ZPBP: variants seen among roughly 807,000 people sequenced by gnomAD.
ZPBP encodes the protein zona pellucida-binding protein 1.
ZPBP carries 26 observed loss-of-function variants against 44.8 expected under a neutral mutation model. The observed-to-expected ratio is 0.58, with a 90% CI of 0.43 to 0.81. The LOEUF is 0.81. ZPBP is among the 30% of genes least tolerant of loss of function. The pLI, the probability that ZPBP is intolerant of heterozygous loss-of-function variation, is 0.00. For synonymous variants in ZPBP, 174 were observed against 153.2 expected (o/e 1.14, Z -1.00); for missense variants, 409 against 434.0 (o/e 0.94, Z 0.51).
intron 6 of ZPBP, among the ~76,000 whole-genome samples, chr7:50,001,317 G>A (rs1798086141): frequency 6.6e-6 from 1 of 152,126 alleles, no homozygotes; most frequent in Non-Finnish European, 1.5e-5. Context: ...TATTTGCTAT[G>A]ACAGGAACCT....
chr7:49,980,483 G>A (rs572324227), intron 7 of ZPBP, among the ~76,000 whole-genome samples: 1 of 151,412 alleles, frequency 6.6e-6, no homozygotes, highest in African/African-American at 2.4e-5. Flanking sequence ...AAGGAAAAAC[G>A]TTTATTTGTC....
chr7:49,877,475 AAAAAAAATATAT>A lies in ZPBP; in HGVS notation n.509+23631_509+23642del, dbSNP rs1183866245. 2.4e-3 allele frequency among the ~76,000 whole-genome samples: 44 copies of A among 17,990 alleles called. 4 individuals are homozygous for A. In the South Asian group the frequency reaches 0.032, roughly 13 times the overall value. 11.8% of individuals were successfully genotyped at this position (17,990 alleles called of 152,430 possible). On this transcript the variant is annotated intron_variant and non_coding_transcript_variant, in intron 2 of 2. Transcript: ENST00000465922. ...GAAACTCTGTCTCAAAAAAAAAAAAAAAAAAAATATATATATATATATATATATATATATATA... is the reference window on the plus strand; with the variant it reads ...GAAACTCTGTCTCAAAAAAAAAAAAAATATATATATATATATATATATATA...
intron 7 of ZPBP, chr7:49,942,381 G>C (rs1794925767): frequency 5.8e-6 from 1 of 172,198 alleles, no homozygotes; most frequent in Admixed American, 6.4e-5. Context: ...TGTTGCTGCT[G>C]TACTGCTCAC....
intron 7 of ZPBP, among the ~76,000 whole-genome samples, chr7:49,959,740 T>C (rs546056396): frequency 6.6e-6 from 1 of 152,304 alleles, no homozygotes; most frequent in African/African-American, 2.4e-5. Context: ...TAGAAATTGA[T>C]ATGTTAATTC....
chr7:49,901,863 T>A (rs765537319), intron 1 of ZPBP, among the ~76,000 whole-genome samples: 46 of 151,890 alleles, frequency 3.0e-4, no homozygotes, highest in Admixed American at 4.6e-4. Context: ...TAGACTCAGA[T>A]AAATATGAAC....
intron 2 of ZPBP, among the ~76,000 whole-genome samples, chr7:49,850,983 C>A (rs1332193357): frequency 6.6e-6 from 1 of 152,158 alleles, no homozygotes; most frequent in East Asian, 1.9e-4. Flanking sequence ...ACCTGAGTGG[C>A]TTTAAGGAAT....
intron 4 of ZPBP, among the ~76,000 whole-genome samples, chr7:50,034,184 T>G (rs1259722988): frequency 3.0e-5 from 4 of 131,848 alleles, no homozygotes; most frequent in Admixed American, 7.5e-5. Context: ...TTTTTGAGGG[T>G]TTTTTTTTTT....
chr7:49,981,690 T>TCTTG (rs1186696994), intron 7 of ZPBP, among the ~76,000 whole-genome samples: 7,815 of 40,232 alleles, frequency 0.19, 2,323 homozygotes, highest in East Asian at 0.5. Context: ...TATAATAATA[T>TCTTG]ATATAATTAT....
At chr7:49,845,276 G>A in the ZPBP span, among the ~76,000 whole-genome samples, 2 of 150,410 alleles carry the variant, frequency 1.3e-5, no homozygotes, top group Admixed American at 6.6e-5. Flanking sequence ...ATGTACCCTG[G>A]AACTTAAAAG....
At chr7:50,016,282 C>T (rs569240516) in intron 6 of ZPBP, among the ~76,000 whole-genome samples, 151 of 152,230 alleles carry the variant, frequency 9.9e-4, no homozygotes, top group African/African-American at 3.5e-3. Flanking sequence ...CAGCTGGAGG[C>T]CATTATCCTC....
Position 49,853,889 on chromosome 7 carries a change from G to A in ZPBP, n.510-3375C>T, listed in dbSNP as rs551911291. Among the ~76,000 whole-genome samples the A allele has an allele frequency of 8.7e-3, 993 of 113,594 alleles. 8 individuals carry two copies. The highest frequency in any genetic ancestry group is 0.033 in the African/African-American group (925 of 28,190). 74.5% of individuals were successfully genotyped at this position (113,594 alleles called of 152,430 possible). A position where few individuals can be genotyped will look rare whatever the true frequency, so the allele number is the denominator to read the frequency against. On this transcript the variant is annotated intron_variant and non_coding_transcript_variant, in intron 2 of 2. Transcript: ENST00000465922. ...CTCCCCCCACCCCACAACAGGCCCC[G>A]GTGTGTGATGTTCCCCTTCCTGTGT... is the stretch of plus-strand genomic sequence containing the variant.
At chr7:50,021,079 A>G (rs965445163) in intron 5 of ZPBP, among the ~76,000 whole-genome samples, 4 of 152,106 alleles carry the variant, frequency 2.6e-5, no homozygotes, top group African/African-American at 9.7e-5. Flanking sequence ...TATCCATTAC[A>G]ATATTTTAAA....
intron 2 of ZPBP, among the ~76,000 whole-genome samples, chr7:49,876,967 T>A (rs1791437865): frequency 6.6e-6 from 1 of 152,058 alleles, no homozygotes; most frequent in Non-Finnish European, 1.5e-5. Context: ...GTCTTCAAGA[T>A]TCAAATATAT....
intron 7 of ZPBP, among the ~76,000 whole-genome samples, chr7:49,980,155 T>C (rs1441434417): frequency 8.7e-6 from 1 of 115,184 alleles, no homozygotes; most frequent in African/African-American, 3.5e-5. Flanking sequence ...ATTATAATTA[T>C]ATATTATATT....
intron 2 of ZPBP, among the ~76,000 whole-genome samples, chr7:49,884,009 G>T (rs1791790546): frequency 6.6e-6 from 1 of 152,204 alleles, no homozygotes; most frequent in Admixed American, 6.5e-5. Context: ...CACGACTGTG[G>T]GTGTGGGGCC....
intron 5 of ZPBP, among the ~76,000 whole-genome samples, chr7:50,027,764 A>G (rs1200493948): frequency 1.3e-5 from 2 of 152,016 alleles, no homozygotes; most frequent in Admixed American, 6.6e-5. Flanking sequence ...AATAAAAAGG[A>G]TAACAAGAGA....
chr7:49,980,000 ATATTATATATAT>A, intron 7 of ZPBP, among the ~76,000 whole-genome samples: 1 of 96,828 alleles, frequency 1.0e-5, no homozygotes, highest in African/African-American at 4.2e-5. Flanking sequence ...TTTATATTAT[ATATTATATATAT>A]TATAATATAA....
intron 7 of ZPBP, among the ~76,000 whole-genome samples, chr7:49,975,877 A>G (rs770280973): frequency 6.6e-6 from 1 of 152,122 alleles, no homozygotes; most frequent in East Asian, 1.9e-4. Flanking sequence ...TCAGTGAAAT[A>G]TTTTTTGTTC....
rs565956246 is a variant in ZPBP, at chr7:49,885,356, C to A, written n.509+15762G>T. ...CCACAACCTAATTTTTAAAAAATAT[C>A]TCTGAAAGTAAAACTATATAAATAT... On this transcript the variant is annotated intron_variant and non_coding_transcript_variant, in intron 2 of 2. Coordinates refer to the ZPBP transcript ENST00000465922. 5.1e-4 allele frequency among the ~76,000 whole-genome samples: 78 copies of A among 151,978 alleles called. 1 individual carries two copies. Among genetic ancestry groups the A allele is most frequent in the Non-Finnish European group, 7.8e-4 (53 of 67,952 alleles).
Sources: allele counts gnomAD v4.1 joint callset (sites outside exome capture counted in the v4.1 genomes callset), GRCh38; gene constraint gnomAD v4.1.1; transcripts MANE v1.5; gene names NCBI Gene and HGNC (gene_info 2026-07-23, HGNC 2026-07-21).